The following ZNF300 variants were observed in gnomAD, a reference collection of about 807,000 sequenced individuals.
ZNF300 encodes the protein kruppel-like zinc finger protein.
Under a neutral mutation model 13.9 loss-of-function variants are expected in ZNF300, and 6 were observed. The ratio of observed to expected loss-of-function variants is 0.43; its 90% confidence interval spans 0.24 to 0.85. The LOEUF (loss-of-function observed/expected upper bound fraction) is 0.85, where lower values mean the gene tolerates loss of function less well. Among genes scored for constraint, ZNF300 ranks in the 40% least tolerant of loss-of-function variants. The pLI, the probability that ZNF300 is intolerant of heterozygous loss-of-function variation, is 0.25. For missense variants in ZNF300, 662 were observed against 714.2 expected (o/e 0.93, Z 0.83); for synonymous variants, 237 against 242.2 (o/e 0.98, Z 0.20).
At position 150,895,968 on chromosome 5, in the gene ZNF300, A is replaced by G. The variant is rs1754752950; in HGVS notation, c.1271T>C (p.Leu424Pro). ...CGKAFCEKSH[L>P]IIHKRIHTGE... ...AGTGTGAATTCTTTTATGTATAATGAGGTGGGACTTCTCACAGAAGGCTTT... is the reference window on the plus strand; with the variant it reads ...AGTGTGAATTCTTTTATGTATAATGGGGTGGGACTTCTCACAGAAGGCTTT... The change falls in exon 6 of 6, where the codon CTC becomes CCC. Residue 424 changes from leucine (L) to proline (P), a missense_variant. Coordinates refer to ENST00000274599, the MANE Select transcript of ZNF300 (RefSeq NM_052860.4). The G allele has an allele frequency of 1.2e-6, 2 of 1,613,426 alleles. No homozygotes were observed. The highest frequency in any genetic ancestry group is 1.1e-5 in the South Asian group (1 of 91,072).
chr5:150,903,094 A>G (rs750039033), intron 3 of ZNF300, 47 bp downstream of exon 3: 1 of 1,573,502 alleles, frequency 6.4e-7, no homozygotes, highest in Non-Finnish European at 8.7e-7. Flanking sequence ...ATTTGATTGT[A>G]TGAAAAACCA....
intron 2 of ZNF300, 32 bp from the exon 3 acceptor site, chr5:150,903,214 T>C: frequency 1.9e-6 from 3 of 1,614,056 alleles, no homozygotes; most frequent in Non-Finnish European, 2.5e-6. Flanking sequence ...TCAGAATGTT[T>C]TTCATAGTCC....
rs1407193354 is a variant in ZNF300, at chr5:150,896,283, T to A, written c.956A>T (p.His319Leu). The A allele has an allele frequency of 6.2e-7, 1 of 1,613,698 alleles. No homozygotes were observed. Among genetic ancestry groups the A allele is most frequent in the Admixed American group, 1.7e-5 (1 of 59,936 alleles). ...KFHLVVHQRT[H>L]TGEKPYDCSE... Reference sequence around the variant, plus strand: ...ACAATCATAAGGTTTCTCCCCAGTATGAGTTCTCTGATGTACAACAAGATG... The same window carrying A: ...ACAATCATAAGGTTTCTCCCCAGTAAGAGTTCTCTGATGTACAACAAGATG... The change falls in exon 6 of 6, where the codon CAT becomes CTT. Residue 319 changes from histidine (H) to leucine (L), a missense_variant. Coordinates refer to ENST00000274599, the MANE Select transcript of ZNF300 (RefSeq NM_052860.4).
chr5:150,903,433 T>C lies in ZNF300; in HGVS notation c.-27-251A>G, dbSNP rs1257742687. 6.7e-6 allele frequency: 9 copies of C among 1,346,198 alleles called. No individual in the cohort carries two copies. The African/African-American group carries it at 1.2e-4, about 17-fold the overall frequency. The allele number at this position is 1,346,198 out of a possible 1,614,324, so 83.4% of individuals were successfully genotyped here. A position where few individuals can be genotyped will look rare whatever the true frequency, so the allele number is the denominator to read the frequency against. On this transcript the variant is annotated intron_variant, in intron 2 of 5. Transcript: ENST00000274599. ...GACCAAGGTTTTATAATTGGATAGA[T>C]GTGAAGATATGTTTCCAGTTGATTT...
intron 3 of ZNF300, among the ~76,000 whole-genome samples, chr5:150,899,287 G>A: frequency 6.6e-6 from 1 of 151,754 alleles, no homozygotes; most frequent in Admixed American, 6.6e-5. Flanking sequence ...CTGGGAAAAA[G>A]AATAGATTCT....
At chr5:150,898,299 AC>A in intron 4 of ZNF300, 115 bp from the exon 5 acceptor site, 1 of 1,588,964 alleles carries the variant, frequency 6.3e-7, no homozygotes, top group Non-Finnish European at 8.6e-7. Context: ...CAAAGGCATA[AC>A]CTCCATTTGC....
chr5:150,902,457 T>C (rs1411000775), intron 3 of ZNF300, among the ~76,000 whole-genome samples: 1 of 152,224 alleles, frequency 6.6e-6, no homozygotes, highest in Non-Finnish European at 1.5e-5. Context: ...AATTTGTTCC[T>C]TGAAAGCAGG....
chr5:150,896,979 A>T lies in ZNF300; in HGVS notation c.266-6T>A. On this transcript the variant is annotated splice_polypyrimidine_tract_variant and splice_region_variant and intron_variant, in intron 5 of 5. Coordinates refer to ENST00000274599, the MANE Select transcript of ZNF300 (RefSeq NM_052860.4). ...GTGAAGGTTACTCTTCCTGTCTAAA[A>T]GAAGAAAAGATACAATTTAAGAGTC... 6.3e-7 allele frequency: 1 copy of T among 1,595,540 alleles called. No individual in the cohort carries two copies. The highest frequency in any genetic ancestry group is 8.5e-7 in the Non-Finnish European group (1 of 1,171,744).
Position 150,896,539 on chromosome 5 carries a change from T to A in ZNF300, c.700A>T (p.Ile234Phe). The A allele has an allele frequency of 6.2e-7, 1 of 1,613,726 alleles. No individual in the cohort carries two copies. The highest frequency in any genetic ancestry group is 8.5e-7 in the Non-Finnish European group (1 of 1,179,840). Residue 234 changes from isoleucine (I) to phenylalanine (F), a missense_variant, in exon 6 of 6, where the codon ATT (isoleucine) becomes TTT (phenylalanine). By Grantham distance (21) the Ile-to-Phe change is conservative. Coordinates refer to ENST00000274599, the MANE Select transcript of ZNF300 (RefSeq NM_052860.4). ...TCAAAAGGTATTACTCCATTGTGAA[T>A]CTTCTCAAGATTAGAATTGGGCTCA... The part of the protein sequence containing the change: ...QSEPNSNLEK[I>F]HNGVIPFDDN...
At chr5:150,898,577 A>T (rs1450715060) in intron 3 of ZNF300, 23 bp from the exon 4 acceptor site, 1 of 1,561,896 alleles carries the variant, frequency 6.4e-7, no homozygotes, top group African/African-American at 1.4e-5. Flanking sequence ...ATTCCTGTTC[A>T]ATCTGAAATG....
Position 150,897,741 on chromosome 5 carries a change from C to G in ZNF300, c.265+321G>C, listed in dbSNP as rs192719428. Reference sequence around the variant, plus strand: ...TTTCTCTGAACTTCTAAAACAGTAACTGTATTTGACATTTAATTTAATACA... The same window carrying G: ...TTTCTCTGAACTTCTAAAACAGTAAGTGTATTTGACATTTAATTTAATACA... On this transcript the variant is annotated intron_variant, in intron 5 of 5. Coordinates refer to ENST00000274599, the MANE Select transcript of ZNF300 (RefSeq NM_052860.4). 619 of 315,844 alleles carry G rather than the reference C, an allele frequency of 2.0e-3. 7 individuals are homozygous for G. The highest frequency in any genetic ancestry group is 0.012 in the African/African-American group (563 of 46,756). 19.6% of individuals were successfully genotyped at this position (315,844 alleles called of 1,614,324 possible).
intron 3 of ZNF300, 88 bp downstream of exon 3, chr5:150,903,053 T>C: frequency 7.3e-7 from 1 of 1,374,488 alleles, no homozygotes. Flanking sequence ...CACCTTTTCC[T>C]TCATCCAGAT....
In ZNF300 at chr5:150,895,203, A is replaced by G; in HGVS notation, c.*221T>C. 1 of 453,770 alleles carries G rather than the reference A, an allele frequency of 2.2e-6. No homozygotes were observed. Among genetic ancestry groups the G allele is most frequent in the Non-Finnish European group, 3.9e-6 (1 of 257,822 alleles). The allele number at this position is 453,770 out of a possible 1,614,324, so 28.1% of individuals were successfully genotyped here. On this transcript the variant is annotated 3_prime_UTR_variant, in exon 6 of 6. Coordinates refer to ENST00000274599, the MANE Select transcript of ZNF300 (RefSeq NM_052860.4). ...ACTTGCTGTGCTGATCACTGAGTTC[A>G]TAACTTTAAAAGCTTTACATGCCAT...
chr5:150,898,836 A>G (rs1341161328), intron 3 of ZNF300, among the ~76,000 whole-genome samples: 1 of 152,072 alleles, frequency 6.6e-6, no homozygotes, highest in East Asian at 1.9e-4. Context: ...AACAATGAAT[A>G]GTAAAGAGGA....
At chr5:150,898,017 C>T (rs1445190289) in intron 5 of ZNF300, 45 bp downstream of exon 5, 2 of 1,588,408 alleles carry the variant, frequency 1.3e-6, no homozygotes, top group Non-Finnish European at 8.6e-7. Flanking sequence ...ACATAAACCT[C>T]AGGCACCAAT....
chr5:150,903,420 A>G (rs1755051946), intron 2 of ZNF300: 4 of 1,437,132 alleles, frequency 2.8e-6, no homozygotes, highest in Non-Finnish European at 2.8e-6. Flanking sequence ...CCAAGGTTTT[A>G]TAATTGGATA....
chr5:150,901,368 A>C (rs977752819), intron 3 of ZNF300, among the ~76,000 whole-genome samples: 1 of 152,200 alleles, frequency 6.6e-6, no homozygotes, highest in African/African-American at 2.4e-5. Flanking sequence ...CTTAAAAACT[A>C]CTAGTGAGTT....
At chr5:150,897,390 C>G (rs1486611172) in intron 5 of ZNF300, 3 of 158,634 alleles carry the variant, frequency 1.9e-5, no homozygotes, top group East Asian at 1.9e-4. Flanking sequence ...TCTCCTCCAT[C>G]TATTTTCCTA....
At position 150,896,562 on chromosome 5, in the gene ZNF300, T is replaced by C. The variant is rs1561755743; in HGVS notation, c.677A>G (p.Glu226Gly). 6.2e-7 allele frequency: 1 copy of C among 1,613,756 alleles called. No individual in the cohort carries two copies. Among genetic ancestry groups the C allele is most frequent in the Admixed American group, 1.7e-5 (1 of 59,916 alleles). The change falls in exon 6 of 6, where the codon GAG (glutamate) becomes GGG (glycine). Residue 226 changes from glutamate (E) to glycine (G), a missense_variant. Coordinates refer to ENST00000274599, the MANE Select transcript of ZNF300 (RefSeq NM_052860.4). ...AATCTTCTCAAGATTAGAATTGGGC[T>C]CACTCTGGCTAGATGATTTTCCACC... ...FGGGKSSSQS[E>G]PNSNLEKIHN...
Sources: allele counts gnomAD v4.1 joint callset (sites outside exome capture counted in the v4.1 genomes callset), GRCh38; gene constraint gnomAD v4.1.1; transcripts MANE v1.5; gene names NCBI Gene and HGNC (gene_info 2026-07-23, HGNC 2026-07-21).